The following OSBP2 variants were observed in gnomAD, a reference collection of about 807,000 sequenced individuals.
OSBP2 encodes oxysterol binding protein 2, also known as oxysterol-binding protein 2.
Under a neutral mutation model 96.0 loss-of-function variants are expected in OSBP2, and 66 were observed. The observed-to-expected ratio is 0.69, with a 90% CI of 0.56 to 0.84. OSBP2 has a LOEUF of 0.84. Among genes scored for constraint, OSBP2 ranks in the 40% least tolerant of loss-of-function variants. OSBP2 has a pLI of 0.00. For missense variants in OSBP2, 1,038 were observed against 1,222.7 expected (o/e 0.85, Z 2.25); for synonymous variants, 525 against 520.9 (o/e 1.01, Z -0.11).
chr22:30,780,393 C>T (rs370299186), intron 2 of OSBP2, among the ~76,000 whole-genome samples: 2 of 152,204 alleles, frequency 1.3e-5, no homozygotes, highest in Non-Finnish European at 2.9e-5. Context: ...ATAAAGAACC[C>T]GACACGCATG....
chr22:30,746,815 A>G (rs921110909), intron 2 of OSBP2, among the ~76,000 whole-genome samples: 7 of 152,124 alleles, frequency 4.6e-5, no homozygotes, highest in African/African-American at 1.7e-4. Context: ...CTTAATTACT[A>G]ATTTTATGAG....
chr22:30,759,384 A>G (rs1401823181), intron 2 of OSBP2, among the ~76,000 whole-genome samples: 1 of 152,216 alleles, frequency 6.6e-6, no homozygotes, highest in Non-Finnish European at 1.5e-5. Context: ...TGGAACAAAC[A>G]GTGAAACCAC....
At chr22:30,769,212 A>T (rs1210132921) in intron 2 of OSBP2, among the ~76,000 whole-genome samples, 2 of 152,210 alleles carry the variant, frequency 1.3e-5, no homozygotes, top group African/African-American at 2.4e-5. Context: ...AAAATTTGGG[A>T]TTCTGGCGTT....
chr22:30,864,668 C>A (rs546903259), intron 2 of OSBP2, among the ~76,000 whole-genome samples: 3 of 152,198 alleles, frequency 2.0e-5, no homozygotes, highest in Admixed American at 1.3e-4. Flanking sequence ...CACTCCCCAG[C>A]CCCAGGCCCC....
chr22:30,784,777 AT>A lies in OSBP2; in HGVS notation c.853+43422del, dbSNP rs71900262. Among the ~76,000 whole-genome samples, 284 of 140,420 alleles carry A rather than the reference AT, an allele frequency of 2.0e-3. 1 individual carries two copies. Among genetic ancestry groups the A allele is most frequent in the South Asian group, 5.2e-3 (23 of 4,444 alleles). The allele number at this position is 140,420 out of a possible 152,430, so 92.1% of individuals were successfully genotyped here. ...ACAGCTGGTAGAATAAATCCTCCTC[AT>A]TTTTTTTTTTTTTGAGATGTGTCTT... On this transcript the variant is annotated intron_variant, in intron 2 of 13. Coordinates refer to ENST00000332585, the MANE Select transcript of OSBP2 (RefSeq NM_030758.4).
intron 2 of OSBP2, among the ~76,000 whole-genome samples, chr22:30,751,955 G>A (rs1018480049): frequency 2.6e-5 from 4 of 152,148 alleles, no homozygotes; most frequent in Non-Finnish European, 5.9e-5. Context: ...GAAAGCCATG[G>A]TCATCCTGGG....
chr22:30,888,160 C>G, intron 4 of OSBP2, 63 bp from the exon 5 acceptor site: 1 of 1,114,188 alleles, frequency 9.0e-7, no homozygotes, highest in South Asian at 1.3e-5. Context: ...TGGCTCTGGA[C>G]TTAGGGAGGC....
At chr22:30,875,619 G>A (rs916860574) in intron 3 of OSBP2, among the ~76,000 whole-genome samples, 1 of 152,154 alleles carries the variant, frequency 6.6e-6, no homozygotes, top group Admixed American at 6.5e-5. Context: ...TAATCCGCCT[G>A]CCTCGGCCTC....
intron 1 of OSBP2, among the ~76,000 whole-genome samples, chr22:30,733,392 C>A (rs2089808251): frequency 6.6e-6 from 1 of 152,206 alleles, no homozygotes; most frequent in Admixed American, 6.5e-5. Flanking sequence ...TTGGAGAGAT[C>A]TGCAGGGGGG....
At chr22:30,879,568 G>A (rs1423777353) in intron 3 of OSBP2, among the ~76,000 whole-genome samples, 1 of 152,160 alleles carries the variant, frequency 6.6e-6, no homozygotes, top group Non-Finnish European at 1.5e-5. Context: ...CCGCCTCGGG[G>A]GTCAGGCAGG....
chr22:30,870,534 A>G lies in OSBP2; in HGVS notation c.959A>G (p.Asn320Ser), dbSNP rs1186020761. ...AAGTTAGATGACCTCAGCACGTGCA[A>G]TGACCTCATCGCCAAGCACGGCGCT... is the stretch of plus-strand genomic sequence containing the variant. The part of the protein sequence containing the change: ...SLKLDDLSTC[N>S]DLIAKHGAAL... Residue 320 changes from asparagine to serine, a missense_variant, in exon 3 of 14, where the codon AAT (asparagine) becomes AGT (serine). Coordinates refer to ENST00000332585, the MANE Select transcript of OSBP2 (RefSeq NM_030758.4). The surrounding 1 kb of genome is among the most constrained non-coding windows in gnomAD (Gnocchi z 4.1). 6 of 1,614,054 alleles carry G rather than the reference A, an allele frequency of 3.7e-6. No individual in the cohort carries two copies. Among genetic ancestry groups the G allele is most frequent in the Non-Finnish European group, 5.1e-6 (6 of 1,179,990 alleles).
At chr22:30,874,960 C>T (rs139344248) in intron 3 of OSBP2, among the ~76,000 whole-genome samples, 42 of 152,334 alleles carry the variant, frequency 2.8e-4, no homozygotes, top group African/African-American at 9.9e-4. Context: ...GGGCTTTGTG[C>T]TCCCTGAGGT....
At position 30,902,125 on chromosome 22, in the gene OSBP2, C is replaced by CA. The variant is rs1569176131; in HGVS notation, c.2376-3712_2376-3711insA. On this transcript the variant is annotated intron_variant, in intron 12 of 13. Transcript: ENST00000332585. Reference sequence around the variant, plus strand: ...AGCAATATAAGAAAAAAAAAAAAAACGAAAAAAAAAAAACCAAAAAAAAAA... The same window carrying CA: ...AGCAATATAAGAAAAAAAAAAAAAACAGAAAAAAAAAAAACCAAAAAAAAAA... 87 of 233,056 alleles carry CA rather than the reference C, an allele frequency of 3.7e-4. 2 individuals are homozygous for CA. The highest frequency in any genetic ancestry group is 7.9e-4 in the Admixed American group (11 of 13,900). 14.4% of individuals were successfully genotyped at this position (233,056 alleles called of 1,614,324 possible).
intron 2 of OSBP2, among the ~76,000 whole-genome samples, chr22:30,792,362 A>G (rs1453139572): frequency 6.6e-6 from 1 of 152,194 alleles, no homozygotes; most frequent in Non-Finnish European, 1.5e-5. Flanking sequence ...CATGATAAGA[A>G]ATAGTTTATG....
At chr22:30,877,334 G>A (rs1264548785) in intron 3 of OSBP2, among the ~76,000 whole-genome samples, 1 of 152,152 alleles carries the variant, frequency 6.6e-6, no homozygotes, top group African/African-American at 2.4e-5. Context: ...CCATTTAAGA[G>A]AAACCCCGTA....
intron 2 of OSBP2, among the ~76,000 whole-genome samples, chr22:30,820,366 G>A (rs574665600): frequency 1.3e-5 from 2 of 151,638 alleles, no homozygotes; most frequent in African/African-American, 4.9e-5. Flanking sequence ...TTGAGTCTGG[G>A]TGACAGAGTA....
intron 2 of OSBP2, among the ~76,000 whole-genome samples, chr22:30,741,752 T>A (rs1423512106): frequency 6.6e-6 from 1 of 152,160 alleles, no homozygotes; most frequent in Admixed American, 6.5e-5. Flanking sequence ...TAGCCAGAGC[T>A]GCTGTCTTTG....
chr22:30,831,803 A>G (rs1300265491), intron 2 of OSBP2, among the ~76,000 whole-genome samples: 1 of 152,076 alleles, frequency 6.6e-6, no homozygotes, highest in East Asian at 1.9e-4. Context: ...CATGGGTGAG[A>G]GTCTGATGGG....
chr22:30,864,619 C>T (rs756091495), intron 2 of OSBP2, among the ~76,000 whole-genome samples: 1 of 152,060 alleles, frequency 6.6e-6, no homozygotes, highest in African/African-American at 2.4e-5. Context: ...CCCGTGAGTG[C>T]GCAGCTCCCA....
Sources: gnomAD v4.1 joint callset for allele counts (sites outside exome capture counted in the v4.1 genomes callset) on GRCh38, gnomAD v4.1.1 for gene constraint, Gnocchi (gnomAD v3.1) non-coding constraint, MANE v1.5 for transcripts, NCBI Gene and HGNC (gene_info 2026-07-23, HGNC 2026-07-21) for gene names.